Variants in ADGRL2 observed in about 807,000 individuals in gnomAD.
The protein encoded by ADGRL2 is adhesion G protein-coupled receptor L2.
A neutral mutation model predicts 157.4 loss-of-function variants in ADGRL2; 44 were observed. The observed-to-expected ratio is 0.28, with a 90% CI of 0.22 to 0.36. The LOEUF is 0.36. Among genes scored for constraint, ADGRL2 ranks in the 10% least tolerant of loss-of-function variants. The pLI is 1.00. For synonymous variants in ADGRL2, 585 were observed against 624.7 expected, an observed-to-expected ratio of 0.94 and a Z score of 0.95; for missense variants, 1,510 against 1,768.9, an observed-to-expected ratio of 0.85 and a Z score of 2.63.
intron 3 of ADGRL2, among the ~76,000 whole-genome samples, chr1:81,589,645 A>C (rs920966929): frequency 2.0e-5 from 3 of 152,118 alleles, no homozygotes; most frequent in Admixed American, 6.6e-5. Flanking sequence ...GAGGACCTTC[A>C]CCTATGTATC....
At chr1:81,652,093 C>A in intron 3 of ADGRL2, among the ~76,000 whole-genome samples, 1 of 152,016 alleles carries the variant, frequency 6.6e-6, no homozygotes, top group East Asian at 1.9e-4. Flanking sequence ...AATCTAGACC[C>A]CAGAATCAAG....
chr1:81,343,716 G>A (rs1662257663), intron 1 of ADGRL2, among the ~76,000 whole-genome samples: 1 of 152,056 alleles, frequency 6.6e-6, no homozygotes, highest in Admixed American at 6.5e-5. Flanking sequence ...CAGAGAGAGA[G>A]AGAGAAAGAG....
intron 1 of ADGRL2, among the ~76,000 whole-genome samples, chr1:81,411,185 G>A (rs937840415): frequency 3.9e-5 from 6 of 152,186 alleles, no homozygotes; most frequent in Admixed American, 6.5e-5. Flanking sequence ...CAAAGGCAGC[G>A]TATGAAAGTC....
chr1:81,776,955 C>G (rs2086612608), intron 2 of ADGRL2, among the ~76,000 whole-genome samples: 1 of 152,134 alleles, frequency 6.6e-6, no homozygotes, highest in African/African-American at 2.4e-5. Flanking sequence ...AGCACAGTGT[C>G]TAGTAAATAA....
chr1:81,884,560 T>C (rs2094077746), intron 2 of ADGRL2, among the ~76,000 whole-genome samples: 1 of 152,194 alleles, frequency 6.6e-6, no homozygotes, highest in African/African-American at 2.4e-5. Flanking sequence ...ACTAAACATA[T>C]ATTGAACAAA....
intron 2 of ADGRL2, among the ~76,000 whole-genome samples, chr1:81,890,307 A>G (rs988399139): frequency 7.9e-5 from 12 of 152,252 alleles, no homozygotes; most frequent in African/African-American, 2.9e-4. Flanking sequence ...TCCATAGTGT[A>G]AACAGATTAA....
At chr1:81,666,225 T>C (rs988759273) in intron 3 of ADGRL2, among the ~76,000 whole-genome samples, 1 of 152,176 alleles carries the variant, frequency 6.6e-6, no homozygotes, top group African/African-American at 2.4e-5. Context: ...GGCCCATAGA[T>C]GACTGAAAGA....
upstream of ADGRL2, among the ~76,000 whole-genome samples, chr1:81,695,752 C>T (rs922500496): frequency 2.0e-5 from 3 of 150,386 alleles, no homozygotes; most frequent in East Asian, 2.0e-4. Context: ...AGCTGGGAGG[C>T]GGAGGTTGCA....
chr1:81,368,234 G>A (rs2076100351), intron 1 of ADGRL2, among the ~76,000 whole-genome samples: 1 of 152,162 alleles, frequency 6.6e-6, no homozygotes, highest in Non-Finnish European at 1.5e-5. Flanking sequence ...ACTGGCATGA[G>A]ATGGTATCTC....
intron 1 of ADGRL2, among the ~76,000 whole-genome samples, chr1:81,337,505 C>A (rs952548592): frequency 2.0e-5 from 3 of 152,092 alleles, no homozygotes; most frequent in Non-Finnish European, 4.4e-5. Flanking sequence ...TCATGAAGAC[C>A]GTGAAAGCAT....
rs543343979 is a variant in ADGRL2, at chr1:81,927,435, A to T, written c.288-9293A>T. Among the ~76,000 whole-genome samples, 6 of 152,112 alleles carry T rather than the reference A, an allele frequency of 3.9e-5. No individual in the cohort carries two copies. In the East Asian group the frequency reaches 7.7e-4, roughly 20 times the overall value. The stretch of plus-strand genomic sequence containing the variant: ...AGGATTTAATCACAGGTGCAATTTT[A>T]AAAAATCAGGATTATATTTAAAACT... On this transcript the variant is annotated intron_variant, in intron 3 of 23. Transcript: ENST00000686636.
intron 1 of ADGRL2, among the ~76,000 whole-genome samples, chr1:81,728,555 A>G (rs1020916258): frequency 6.6e-6 from 1 of 152,196 alleles, no homozygotes; most frequent in Non-Finnish European, 1.5e-5. Context: ...AGTCTAATAC[A>G]TAAGCACAAT....
At chr1:81,965,486 G>A (rs1656781402) in intron 11 of ADGRL2, among the ~76,000 whole-genome samples, 1 of 151,890 alleles carries the variant, frequency 6.6e-6, no homozygotes, top group South Asian at 2.1e-4. Flanking sequence ...TATATTCTTG[G>A]CTGGGCTCAC....
chr1:81,699,694 C>T (rs186324050), upstream of ADGRL2: 67 of 152,228 alleles, frequency 4.4e-4, no homozygotes, highest in African/African-American at 1.6e-3. Context: ...CTGTGATTTC[C>T]CCAGGAGCCT....
intron 1 of ADGRL2, among the ~76,000 whole-genome samples, chr1:81,754,839 A>C (rs1423365869): frequency 6.6e-6 from 1 of 151,806 alleles, no homozygotes; most frequent in Admixed American, 6.6e-5. Flanking sequence ...CATATATAAA[A>C]TGGAGGTAAT....
chr1:81,379,330 G>A (rs949353505), intron 1 of ADGRL2, among the ~76,000 whole-genome samples: 8 of 152,164 alleles, frequency 5.3e-5, no homozygotes, highest in African/African-American at 1.2e-4. Context: ...CAGCTCCTGA[G>A]GCCCCAGTGG....
At chr1:81,881,898 A>C (rs1408420843) in intron 2 of ADGRL2, among the ~76,000 whole-genome samples, 1 of 152,094 alleles carries the variant, frequency 6.6e-6, no homozygotes, top group East Asian at 1.9e-4. Flanking sequence ...TGAATACTAG[A>C]TTGATTTGTT....
intron 2 of ADGRL2, among the ~76,000 whole-genome samples, chr1:81,894,386 G>A (rs528383764): frequency 3.1e-4 from 47 of 152,184 alleles, no homozygotes; most frequent in South Asian, 2.5e-3. Context: ...TGGTCCAAGA[G>A]CATTCATTGA....
chr1:81,714,407 G>C (rs2084038865), intron 1 of ADGRL2, among the ~76,000 whole-genome samples: 1 of 151,990 alleles, frequency 6.6e-6, no homozygotes, highest in African/African-American at 2.4e-5. Flanking sequence ...ATGCATCAAG[G>C]TATTTCTTTA....
Sources: allele counts gnomAD v4.1 joint callset (sites outside exome capture counted in the v4.1 genomes callset), GRCh38; gene constraint gnomAD v4.1.1; transcripts MANE v1.5; gene names NCBI Gene and HGNC (gene_info 2026-07-23, HGNC 2026-07-21).